The following RERE variants were observed in gnomAD, a reference collection of about 807,000 sequenced individuals.
The protein encoded by RERE is arginine-glutamic acid dipeptide repeats.
RERE carries 40 observed loss-of-function variants against 146.1 expected under a neutral mutation model. The observed-to-expected ratio is 0.27, with a 90% confidence interval of 0.21 to 0.36. The LOEUF (loss-of-function observed/expected upper bound fraction) is 0.36, where lower values mean the gene tolerates loss of function less well. RERE is among the 10% of genes least tolerant of loss of function. RERE has a pLI of 1.00. For missense variants in RERE, 1,933 were observed against 2,138.7 expected (o/e 0.90, Z 1.90); for synonymous variants, 1,003 against 866.0 (o/e 1.16, Z -2.78).
At chr1:8,773,319 G>A (rs1416038277) in intron 1 of RERE, among the ~76,000 whole-genome samples, 1 of 152,162 alleles carries the variant, frequency 6.6e-6, no homozygotes, top group African/African-American at 2.4e-5. Context: ...AAATGCTATA[G>A]CAATAATATG....
Position 8,364,167 on chromosome 1 carries a change from C to A in RERE, c.1629G>T (p.Pro543=), listed in dbSNP as rs374407185. 1 of 1,614,140 alleles carries A rather than the reference C, an allele frequency of 6.2e-7. No individual in the cohort carries two copies. Among genetic ancestry groups the A allele is most frequent in the South Asian group, 1.1e-5 (1 of 91,082 alleles). ...RIHFKKYGEL[P]PIEKPVDPPP... The stretch of plus-strand genomic sequence containing the variant: ...GCGGGTCCACGGGCTTCTCAATGGG[C>A]GGGAGCTCACCGTATTTCTTGAAGT... Residue 543 remains proline, a synonymous_variant, in exon 15 of 23, where the codon CCG becomes CCT. Transcript: ENST00000400908. The surrounding 1 kb of genome is among the most constrained non-coding windows in gnomAD (Gnocchi z 5.1).
At chr1:8,758,594 G>A (rs571658837) in intron 1 of RERE, among the ~76,000 whole-genome samples, 6 of 151,578 alleles carry the variant, frequency 4.0e-5, no homozygotes, top group African/African-American at 9.7e-5. Context: ...ACGAGGTCTC[G>A]CCAAGCTGGT....
At chr1:8,385,624 C>T (rs113273532) in intron 12 of RERE, among the ~76,000 whole-genome samples, 1,914 of 152,090 alleles carry the variant, frequency 0.013, 38 homozygotes, top group African/African-American at 0.044. Flanking sequence ...CAAAACACAA[C>T]CAACTGTGGC....
intron 2 of RERE, among the ~76,000 whole-genome samples, chr1:8,653,155 A>ACT: frequency 6.6e-6 from 1 of 152,004 alleles, no homozygotes; most frequent in African/African-American, 2.4e-5. Context: ...ACTAATTCTG[A>ACT]CTCTCTCATG....
chr1:8,754,105 C>T (rs183676254), intron 1 of RERE, among the ~76,000 whole-genome samples: 1 of 152,230 alleles, frequency 6.6e-6, no homozygotes, highest in East Asian at 1.9e-4. Flanking sequence ...TATTACTGCA[C>T]ATCATGATGT....
chr1:8,578,725 G>A (rs1231669476), intron 4 of RERE, among the ~76,000 whole-genome samples: 1 of 152,122 alleles, frequency 6.6e-6, no homozygotes, highest in East Asian at 1.9e-4. Context: ...ATCTCACTTA[G>A]GGGGTTGTTG....
chr1:8,691,845 G>A (rs1194368531), intron 1 of RERE, among the ~76,000 whole-genome samples: 2 of 152,098 alleles, frequency 1.3e-5, no homozygotes, highest in African/African-American at 2.4e-5. Context: ...AGAGTCAAAC[G>A]CTCTAACTTA....
intron 7 of RERE, among the ~76,000 whole-genome samples, chr1:8,531,856 A>AT (rs1248597874): frequency 2.6e-5 from 4 of 152,264 alleles, no homozygotes; most frequent in African/African-American, 9.6e-5. Flanking sequence ...AAGGTCTAGT[A>AT]TTTGACTGTG....
chr1:8,648,732 T>C (rs569711330), intron 2 of RERE, among the ~76,000 whole-genome samples: 1 of 152,232 alleles, frequency 6.6e-6, no homozygotes, highest in South Asian at 2.1e-4. Flanking sequence ...TCAAATAAAA[T>C]GGTCAAATAT....
chr1:8,602,474 A>G (rs969057646), intron 4 of RERE, among the ~76,000 whole-genome samples: 2 of 151,620 alleles, frequency 1.3e-5, no homozygotes, highest in African/African-American at 2.4e-5. Context: ...TATATGTTTT[A>G]TAAGTTATAG....
At chr1:8,760,535 G>A (rs1043390482) in intron 1 of RERE, among the ~76,000 whole-genome samples, 1 of 152,190 alleles carries the variant, frequency 6.6e-6, no homozygotes, top group Non-Finnish European at 1.5e-5. Context: ...AGGGTGAGAG[G>A]TCACAGGGAG....
chr1:8,742,166 C>G (rs149543414), intron 1 of RERE, among the ~76,000 whole-genome samples: 20 of 152,220 alleles, frequency 1.3e-4, no homozygotes, highest in African/African-American at 4.8e-4. Flanking sequence ...CATTGCACAC[C>G]ATGCTTCTAT....
intron 4 of RERE, among the ~76,000 whole-genome samples, chr1:8,564,076 A>AT (rs1646110115): frequency 1.3e-5 from 2 of 152,216 alleles, no homozygotes; most frequent in South Asian, 4.1e-4. Context: ...TTACAGGACA[A>AT]TGACTGTTAG....
intron 2 of RERE, among the ~76,000 whole-genome samples, chr1:8,643,120 G>A (rs1236091266): frequency 6.6e-6 from 1 of 152,150 alleles, no homozygotes; most frequent in African/African-American, 2.4e-5. Flanking sequence ...TGTGAAAGGT[G>A]GGGGGATCCA....
intron 1 of RERE, among the ~76,000 whole-genome samples, chr1:8,774,222 T>C (rs1376340287): frequency 6.6e-6 from 1 of 152,174 alleles, no homozygotes; most frequent in East Asian, 1.9e-4. Flanking sequence ...GCCTCAACTG[T>C]ACCTGTCTTT....
At chr1:8,734,195 T>C (rs1437583325) in intron 1 of RERE, among the ~76,000 whole-genome samples, 1 of 152,212 alleles carries the variant, frequency 6.6e-6, no homozygotes, top group African/African-American at 2.4e-5. Flanking sequence ...GCTGGAGAAG[T>C]CCTGAAAATG....
intron 1 of RERE, among the ~76,000 whole-genome samples, chr1:8,766,351 C>T (rs1193776764): frequency 6.6e-6 from 1 of 151,816 alleles, no homozygotes; most frequent in African/African-American, 2.4e-5. Flanking sequence ...ACCAGCCTGG[C>T]CAACATGGTG....
chr1:8,582,913 G>T (rs1646385677), intron 4 of RERE, among the ~76,000 whole-genome samples: 1 of 152,160 alleles, frequency 6.6e-6, no homozygotes, highest in African/African-American at 2.4e-5. Context: ...GCCTGGCCTA[G>T]GAAAAATCCT....
chr1:8,501,643 C>T (rs1401191601), intron 8 of RERE, among the ~76,000 whole-genome samples: 3 of 131,138 alleles, frequency 2.3e-5, no homozygotes, highest in Non-Finnish European at 5.0e-5. Flanking sequence ...CCCGGCCAGC[C>T]GCCCAGTCCG....
Sources: gnomAD v4.1 joint callset for allele counts (sites outside exome capture counted in the v4.1 genomes callset) on GRCh38, gnomAD v4.1.1 for gene constraint, Gnocchi (gnomAD v3.1) non-coding constraint, MANE v1.5 for transcripts, NCBI Gene and HGNC (gene_info 2026-07-23, HGNC 2026-07-21) for gene names.